The following AGBL3 variants were observed in gnomAD, a reference collection of about 807,000 sequenced individuals.
AGBL3 encodes the protein AGBL carboxypeptidase 3.
AGBL3 carries 68 observed loss-of-function variants against 94.5 expected under a neutral mutation model. The observed-to-expected ratio is 0.72, with a 90% CI of 0.59 to 0.88. AGBL3 has a LOEUF of 0.88. AGBL3 is among the 40% of genes least tolerant of loss of function. The probability of loss-of-function intolerance (pLI) is 0.00; values close to 1 mark genes in which losing one functional copy is unlikely to be tolerated. For missense variants in AGBL3, 934 were observed against 1,103.8 expected (o/e 0.85, Z 2.18); for synonymous variants, 354 against 370.7 (o/e 0.95, Z 0.52).
At chr7:135,012,929 A>G (rs2133470621) in intron 4 of AGBL3, among the ~76,000 whole-genome samples, 1 of 152,278 alleles carries the variant, frequency 6.6e-6, no homozygotes, top group African/African-American at 2.4e-5. Context: ...GAAACAATGA[A>G]AAATTAATAA....
intron 11 of AGBL3, among the ~76,000 whole-genome samples, chr7:135,057,418 T>C (rs1818435841): frequency 5.0e-5 from 1 of 20,074 alleles, no homozygotes; most frequent in Non-Finnish European, 7.6e-4. Flanking sequence ...GGTTGAAAAC[T>C]GAAAAAAAAT....
At chr7:135,052,042 A>G (rs2116626370) in intron 11 of AGBL3, among the ~76,000 whole-genome samples, 1 of 152,278 alleles carries the variant, frequency 6.6e-6, no homozygotes, top group East Asian at 1.9e-4. Context: ...ACATAAGAAC[A>G]TCAAAACCAT....
chr7:135,080,161 T>C, intron 13 of AGBL3, 42 bp from the exon 14 acceptor site: 1 of 1,405,668 alleles, frequency 7.1e-7, no homozygotes, highest in Non-Finnish European at 9.8e-7. Flanking sequence ...CATTTCATGT[T>C]GATAAAATAG....
chr7:135,040,558 C>T (rs1466962434), intron 8 of AGBL3, among the ~76,000 whole-genome samples: 3 of 147,544 alleles, frequency 2.0e-5, no homozygotes, highest in African/African-American at 7.5e-5. Context: ...AAGTTTTTAA[C>T]ACAATTCAGC....
chr7:135,061,727 A>C (rs1725574924), intron 12 of AGBL3, among the ~76,000 whole-genome samples: 1 of 151,958 alleles, frequency 6.6e-6, no homozygotes, highest in African/African-American at 2.4e-5. Flanking sequence ...GGGCTATTTC[A>C]TTCTATTGGT....
Position 135,044,160 on chromosome 7 carries a change from A to G in AGBL3, c.1627+9A>G, listed in dbSNP as rs1474591805. ...CTGTGGATCTACTCTGGGTAAGACC[A>G]AGGGTTCTCATTCACAGCTCTCAAA... On this transcript the variant is annotated intron_variant, in intron 9 of 16. Transcript: ENST00000436302. 6.5e-7 allele frequency: 1 copy of G among 1,543,456 alleles called. No homozygotes were observed. The highest frequency in any genetic ancestry group is 8.8e-7 in the Non-Finnish European group (1 of 1,142,628).
chr7:135,030,515 G>C (rs1349434587), intron 5 of AGBL3, among the ~76,000 whole-genome samples: 1 of 152,100 alleles, frequency 6.6e-6, no homozygotes, highest in Admixed American at 6.6e-5. Flanking sequence ...CTCTTTGGCT[G>C]TCTTCAGCAA....
Position 135,074,574 on chromosome 7 carries a change from T to C in AGBL3, c.1909-1823T>C, listed in dbSNP as rs374413261. Among the ~76,000 whole-genome samples, 12 of 152,282 alleles carry C rather than the reference T, an allele frequency of 7.9e-5. No homozygotes were observed. The East Asian group carries it at 2.1e-3, about 27-fold the overall frequency. Reference sequence around the variant, plus strand: ...TCTGCTGTGCCATCACATTCTCCCTTTCCCTCCATTTGCCAATCTTTCCCT... The same window carrying C: ...TCTGCTGTGCCATCACATTCTCCCTCTCCCTCCATTTGCCAATCTTTCCCT... On this transcript the variant is annotated intron_variant, in intron 12 of 16. Transcript: ENST00000436302.
chr7:135,057,310 CAT>C (rs1818426795), intron 11 of AGBL3, among the ~76,000 whole-genome samples: 1 of 151,768 alleles, frequency 6.6e-6, no homozygotes, highest in African/African-American at 2.4e-5. Flanking sequence ...TAGGGGATAA[CAT>C]AGGAGGAAAG....
chr7:135,122,865 A>C (rs1827333326), intron 16 of AGBL3, among the ~76,000 whole-genome samples: 1 of 152,182 alleles, frequency 6.6e-6, no homozygotes, highest in African/African-American at 2.4e-5. Context: ...ACAACAAACA[A>C]GCCCCCAGAA....
chr7:135,045,380 A>G (rs1002213056), intron 9 of AGBL3, 94 bp from the exon 10 acceptor site: 3 of 955,066 alleles, frequency 3.1e-6, no homozygotes, highest in Non-Finnish European at 4.9e-6. Context: ...ATATGGAATC[A>G]TATCAATGTT....
intron 15 of AGBL3, among the ~76,000 whole-genome samples, chr7:135,102,741 C>T (rs1180338233): frequency 2.0e-5 from 3 of 151,582 alleles, no homozygotes; most frequent in African/African-American, 4.8e-5. Context: ...TAACCCTAAC[C>T]CTTGTCTTAC....
chr7:135,062,589 CA>C lies in AGBL3; in HGVS notation c.1908+3357del, dbSNP rs370965823. On this transcript the variant is annotated intron_variant, in intron 12 of 16. Coordinates refer to ENST00000436302, the MANE Select transcript of AGBL3 (RefSeq NM_178563.4). The stretch of plus-strand genomic sequence containing the variant: ...ATCATGAAAGGATGTTGAATTCTAT[CA>C]AATGCTTCCTTCTGCATATATTGAG... 2.3e-3 allele frequency among the ~76,000 whole-genome samples: 353 copies of C among 152,184 alleles called. 2 individuals carry two copies. The highest frequency in any genetic ancestry group is 4.6e-3 in the South Asian group (22 of 4,818).
intron 16 of AGBL3, among the ~76,000 whole-genome samples, chr7:135,130,462 A>G (rs774279551): frequency 6.6e-6 from 1 of 152,032 alleles, no homozygotes; most frequent in Non-Finnish European, 1.5e-5. Context: ...ATTCAAAATG[A>G]CTTGTCTTCG....
At chr7:135,029,973 T>C (rs1045758124) in intron 5 of AGBL3, among the ~76,000 whole-genome samples, 1 of 151,996 alleles carries the variant, frequency 6.6e-6, no homozygotes, top group Non-Finnish European at 1.5e-5. Flanking sequence ...TTTATATGGG[T>C]GCAGTTTGTG....
intron 12 of AGBL3, among the ~76,000 whole-genome samples, chr7:135,063,225 A>ATCTGAG (rs1303684130): frequency 6.6e-6 from 1 of 152,002 alleles, no homozygotes; most frequent in Non-Finnish European, 1.5e-5. Flanking sequence ...TTCTGACTTT[A>ATCTGAG]TCTGAGTCTT....
chr7:135,038,126 T>C (rs1276137991), intron 8 of AGBL3, among the ~76,000 whole-genome samples: 1 of 152,188 alleles, frequency 6.6e-6, no homozygotes, highest in Non-Finnish European at 1.5e-5. Context: ...AAAATTATAT[T>C]TTAATCATTC....
At chr7:135,063,928 T>G (rs1054627775) in intron 12 of AGBL3, among the ~76,000 whole-genome samples, 1 of 152,220 alleles carries the variant, frequency 6.6e-6, no homozygotes, top group Admixed American at 6.5e-5. Flanking sequence ...TCAGCCAAAC[T>G]TAGCTCCTAA....
At chr7:134,993,366 A>G (rs2133374006) in intron 3 of AGBL3, 127 bp from the exon 4 acceptor site, 1 of 765,722 alleles carries the variant, frequency 1.3e-6, no homozygotes, top group Admixed American at 3.7e-5. Context: ...GCCATGAATT[A>G]TAAAACATTT....
Sources: allele counts gnomAD v4.1 joint callset (sites outside exome capture counted in the v4.1 genomes callset), GRCh38; gene constraint gnomAD v4.1.1; transcripts MANE v1.5; gene names NCBI Gene and HGNC (gene_info 2026-07-23, HGNC 2026-07-21).